Variants in KMT2C observed in about 807,000 individuals in gnomAD.
The protein encoded by KMT2C is lysine methyltransferase 2C, also known as histone-lysine N-methyltransferase 2C.
A neutral mutation model predicts 507.9 loss-of-function variants in KMT2C; 88 were observed. The ratio of observed to expected loss-of-function variants is 0.17; its 90% CI spans 0.15 to 0.21. The LOEUF is 0.21. Among genes scored for constraint, KMT2C ranks in the 10% least tolerant of loss-of-function variants. The probability of loss-of-function intolerance (pLI) is 1.00; values close to 1 mark genes in which losing one functional copy is unlikely to be tolerated. For missense variants in KMT2C, 4,954 were observed against 5,957.8 expected, an observed-to-expected ratio of 0.83 and a Z score of 5.55; for synonymous variants, 2,049 against 2,080.8, an observed-to-expected ratio of 0.98 and a Z score of 0.42.
intron 8 of KMT2C, 47 bp from the exon 9 acceptor site, chr7:152,263,177 TTTTG>T: frequency 6.0e-6 from 9 of 1,489,902 alleles, no homozygotes; most frequent in Non-Finnish European, 8.4e-6. Flanking sequence ...TAAACTTATG[TTTTG>T]TAACATAAGT....
At chr7:152,277,973 A>ATG (rs200814469) in intron 6 of KMT2C, among the ~76,000 whole-genome samples, 6 of 151,954 alleles carry the variant, frequency 3.9e-5, no homozygotes, top group Admixed American at 6.6e-5. Flanking sequence ...TCATTTATGT[A>ATG]TGTGTGTGTG....
intron 1 of KMT2C, among the ~76,000 whole-genome samples, chr7:152,395,496 AGTTTTGTTTT>A (rs142333055): frequency 8.0e-4 from 121 of 150,600 alleles, no homozygotes; most frequent in South Asian, 1.7e-3. Context: ...ACCATTTTTA[AGTTTTGTTTT>A]GTTTTGTTTT....
At position 152,181,408 on chromosome 7, in the gene KMT2C, G is replaced by A. The variant is rs1237491360; in HGVS notation, c.6452C>T (p.Thr2151Ile). 3 of 1,614,064 alleles carry A rather than the reference G, an allele frequency of 1.9e-6. No individual in the cohort carries two copies. Among genetic ancestry groups the A allele is most frequent in the East Asian group, 4.5e-5 (2 of 44,866 alleles). Residue 2151 changes from threonine (T) to isoleucine (I), a missense_variant, in exon 36 of 59, where the codon ACA (threonine) becomes ATA (isoleucine). Coordinates refer to ENST00000262189, the MANE Select transcript of KMT2C (RefSeq NM_170606.3). ...GTAAGGGTCTGTATTGGACCTAGCT[G>A]TTCCTGAAGATTGGGAATAAGAATC... ...VVDSYSQSSG[T>I]ARSNTDPYSQ...
At chr7:152,308,574 C>G (rs1024870688) in intron 6 of KMT2C, among the ~76,000 whole-genome samples, 1 of 147,956 alleles carries the variant, frequency 6.8e-6, no homozygotes, top group Admixed American at 6.9e-5. Flanking sequence ...ACTCAGGAGG[C>G]TGAGGCGGCA....
chr7:152,391,076 G>A (rs1265823689), intron 1 of KMT2C, among the ~76,000 whole-genome samples: 8 of 141,082 alleles, frequency 5.7e-5, no homozygotes, highest in South Asian at 2.3e-4. Flanking sequence ...CCAGGGAGGC[G>A]GAGGCTGCAG....
chr7:152,226,218 C>CTTTTTTTTT (rs1563479395), intron 18 of KMT2C, among the ~76,000 whole-genome samples: 1 of 128,026 alleles, frequency 7.8e-6, no homozygotes, highest in African/African-American at 3.2e-5. Flanking sequence ...CATTACAAGG[C>CTTTTTTTTT]CTTTTTTTTT....
In KMT2C at chr7:152,139,732, G is replaced by T. The variant is rs766668131; in HGVS notation, c.14403C>A (p.Ile4801=). 23 of 1,613,896 alleles carry T rather than the reference G, an allele frequency of 1.4e-5. No individual in the cohort carries two copies. In the Admixed American group the frequency reaches 2.0e-4, roughly 14 times the overall value. ...IEKHTMVIEY[I]GTIIRNEVAN... is the part of the protein sequence containing the mutation. ...CTACTTCGTTTCGAATGATAGTCCC[G>T]ATGTACTCAATGACCATGGTGTGTT... Residue 4801 remains isoleucine (I), a synonymous_variant, in exon 56 of 59, where the codon ATC becomes ATA. Coordinates refer to ENST00000262189, the MANE Select transcript of KMT2C (RefSeq NM_170606.3).
At chr7:152,155,410 T>C (rs1457047491) in intron 46 of KMT2C, among the ~76,000 whole-genome samples, 1 of 152,208 alleles carries the variant, frequency 6.6e-6, no homozygotes, top group Non-Finnish European at 1.5e-5. Context: ...GGGAACTTGA[T>C]TCTCCCCAAT....
chr7:152,294,650 A>C (rs993849974), intron 6 of KMT2C, among the ~76,000 whole-genome samples: 1 of 152,146 alleles, frequency 6.6e-6, no homozygotes, highest in Non-Finnish European at 1.5e-5. Flanking sequence ...CGCCACTCCC[A>C]AAATAGAAGA....
At chr7:152,368,001 C>A in intron 1 of KMT2C, 1 of 855,134 alleles carries the variant, frequency 1.2e-6, no homozygotes, top group Non-Finnish European at 2.0e-6. Flanking sequence ...AATCCAAGAA[C>A]ATAAAATTAA....
chr7:152,430,130 A>T (rs1340449958), intron 1 of KMT2C, among the ~76,000 whole-genome samples: 1 of 151,388 alleles, frequency 6.6e-6, no homozygotes, highest in Non-Finnish European at 1.5e-5. Context: ...GTGAGCCAGG[A>T]TCACGCCACT....
intron 9 of KMT2C, among the ~76,000 whole-genome samples, chr7:152,255,897 G>A (rs2095653188): frequency 6.6e-6 from 1 of 152,126 alleles, no homozygotes; most frequent in Admixed American, 6.5e-5. Context: ...AGCCATACAT[G>A]GTGGCTCACA....
At chr7:152,383,775 C>T (rs2097395940) in intron 1 of KMT2C, among the ~76,000 whole-genome samples, 1 of 152,090 alleles carries the variant, frequency 6.6e-6, no homozygotes, top group East Asian at 1.9e-4. Context: ...GATAACAGAC[C>T]CTACCTTAGA....
chr7:152,189,605 A>G (rs1294684389), intron 31 of KMT2C, among the ~76,000 whole-genome samples: 1 of 152,206 alleles, frequency 6.6e-6, no homozygotes. Context: ...TAAAACCTAC[A>G]TAGCTCCAGT....
intron 7 of KMT2C, among the ~76,000 whole-genome samples, chr7:152,266,045 T>C (rs2095853508): frequency 1.3e-5 from 2 of 152,268 alleles, no homozygotes; most frequent in African/African-American, 4.8e-5. Context: ...CAATCTTAGA[T>C]AATGTATAAA....
chr7:152,201,312 AC>A (rs2094133559), intron 26 of KMT2C, among the ~76,000 whole-genome samples: 2 of 151,852 alleles, frequency 1.3e-5, no homozygotes, highest in South Asian at 4.2e-4. Context: ...ACACACACAC[AC>A]ACACACACAC....
intron 1 of KMT2C, among the ~76,000 whole-genome samples, chr7:152,412,978 T>C (rs2097698106): frequency 1.3e-5 from 2 of 152,072 alleles, no homozygotes; most frequent in African/African-American, 4.8e-5. Context: ...ATTTAAGACA[T>C]AACCAAAAAC....
intron 1 of KMT2C, among the ~76,000 whole-genome samples, chr7:152,399,935 A>G (rs901463763): frequency 3.9e-5 from 6 of 152,238 alleles, no homozygotes; most frequent in Non-Finnish European, 8.8e-5. Context: ...ACAAACAAAC[A>G]AACAGACAAA....
At chr7:152,432,114 G>T (rs1163492563) in intron 1 of KMT2C, among the ~76,000 whole-genome samples, 2 of 152,114 alleles carry the variant, frequency 1.3e-5, no homozygotes, top group Non-Finnish European at 2.9e-5. Flanking sequence ...CCTCTGAAAA[G>T]AAAGTGGTTC....
Sources: allele counts gnomAD v4.1 joint callset (sites outside exome capture counted in the v4.1 genomes callset), GRCh38; gene constraint gnomAD v4.1.1; transcripts MANE v1.5; gene names NCBI Gene and HGNC (gene_info 2026-07-23, HGNC 2026-07-21).